WDR70: variants seen among roughly 807,000 people sequenced by gnomAD.
WDR70 encodes the protein WD repeat domain 70.
A neutral mutation model predicts 88.6 loss-of-function variants in WDR70; 53 were observed. The observed-to-expected ratio is 0.60, with a 90% CI of 0.48 to 0.75. WDR70 has a LOEUF of 0.75. Among genes scored for constraint, WDR70 ranks in the 30% least tolerant of loss-of-function variants. The pLI is 0.00. For synonymous variants in WDR70, 280 were observed against 270.0 expected (o/e 1.04, Z -0.36); for missense variants, 610 against 823.2 (o/e 0.74, Z 3.17).
At chr5:37,437,520 AC>A (rs1188225300) in intron 5 of WDR70, among the ~76,000 whole-genome samples, 1 of 152,128 alleles carries the variant, frequency 6.6e-6, no homozygotes, top group African/African-American at 2.4e-5. Flanking sequence ...AGATATATCA[AC>A]CTTTTCGCTC....
intron 10 of WDR70, among the ~76,000 whole-genome samples, chr5:37,653,743 T>G (rs1745472993): frequency 6.6e-6 from 1 of 152,212 alleles, no homozygotes; most frequent in African/African-American, 2.4e-5. Flanking sequence ...GTTTATAGTA[T>G]TCTCTGATGG....
intron 9 of WDR70, among the ~76,000 whole-genome samples, chr5:37,582,033 A>G (rs1743233702): frequency 6.6e-6 from 1 of 152,100 alleles, no homozygotes; most frequent in Non-Finnish European, 1.5e-5. Context: ...CTTTAGTAGT[A>G]CCTGTCTTAC....
At chr5:37,751,170 C>A (rs1362512599) in intron 17 of WDR70, among the ~76,000 whole-genome samples, 2 of 152,204 alleles carry the variant, frequency 1.3e-5, no homozygotes, top group East Asian at 3.8e-4. Flanking sequence ...TGGTCAGCAT[C>A]TTTGCCAGAA....
intron 7 of WDR70, among the ~76,000 whole-genome samples, chr5:37,476,963 A>G (rs1739505455): frequency 6.6e-6 from 1 of 152,144 alleles, no homozygotes; most frequent in Non-Finnish European, 1.5e-5. Context: ...AGAATACTGT[A>G]TTTTTTATCT....
chr5:37,745,828 T>C (rs939280131), intron 17 of WDR70, among the ~76,000 whole-genome samples: 3 of 152,122 alleles, frequency 2.0e-5, no homozygotes, highest in Non-Finnish European at 4.4e-5. Flanking sequence ...ACATTAATAG[T>C]GGGAGACTCT....
chr5:37,551,010 A>C (rs1742127865), intron 9 of WDR70, among the ~76,000 whole-genome samples: 1 of 152,232 alleles, frequency 6.6e-6, no homozygotes, highest in Non-Finnish European at 1.5e-5. Context: ...GCAAAAGAAA[A>C]CTAGTGAAGA....
At chr5:37,662,524 A>G (rs1372752254) in intron 10 of WDR70, among the ~76,000 whole-genome samples, 1 of 152,116 alleles carries the variant, frequency 6.6e-6, no homozygotes, top group African/African-American at 2.4e-5. Flanking sequence ...AGTGAGTTAC[A>G]ACATCTTTTT....
At chr5:37,481,945 C>T (rs1055714538) in intron 8 of WDR70, among the ~76,000 whole-genome samples, 14 of 152,282 alleles carry the variant, frequency 9.2e-5, no homozygotes, top group Middle Eastern at 3.4e-3. Context: ...CACTCTTTCC[C>T]GCCTATCTTA....
At chr5:37,417,988 C>A (rs1348084884) in intron 5 of WDR70, among the ~76,000 whole-genome samples, 1 of 152,150 alleles carries the variant, frequency 6.6e-6, no homozygotes, top group African/African-American at 2.4e-5. Flanking sequence ...AAGAAGTTCT[C>A]CACTCCACCC....
chr5:37,657,573 G>C (rs949989777), intron 10 of WDR70, among the ~76,000 whole-genome samples: 16 of 152,176 alleles, frequency 1.1e-4, no homozygotes, highest in African/African-American at 3.6e-4. Flanking sequence ...CACTTCATTT[G>C]TACATGATGA....
At chr5:37,635,623 A>G (rs1363526410) in intron 10 of WDR70, among the ~76,000 whole-genome samples, 2 of 152,218 alleles carry the variant, frequency 1.3e-5, no homozygotes, top group Non-Finnish European at 2.9e-5. Context: ...CTCAGTGAGA[A>G]AAATTTCAGT....
At chr5:37,681,508 G>A (rs1746435492) in intron 10 of WDR70, among the ~76,000 whole-genome samples, 1 of 152,102 alleles carries the variant, frequency 6.6e-6, no homozygotes, top group South Asian at 2.1e-4. Flanking sequence ...TCCTGTTTCT[G>A]GTTTCAAGAT....
At chr5:37,592,486 G>T (rs6889616) in intron 9 of WDR70, among the ~76,000 whole-genome samples, 3 of 152,022 alleles carry the variant, frequency 2.0e-5, no homozygotes, top group Non-Finnish European at 4.4e-5. Context: ...GGTTAACTGC[G>T]CAGCACAGTA....
chr5:37,484,381 T>C (rs199529677), intron 8 of WDR70, among the ~76,000 whole-genome samples: 90,782 of 152,074 alleles, frequency 0.6, 28,469 homozygotes, highest in Non-Finnish European at 0.69. Flanking sequence ...AGCGAAACCC[T>C]GTCTCCACCA....
At chr5:37,535,524 T>C (rs1741638767) in intron 9 of WDR70, among the ~76,000 whole-genome samples, 1 of 152,198 alleles carries the variant, frequency 6.6e-6, no homozygotes, top group South Asian at 2.1e-4. Context: ...ACTAAATCTG[T>C]ACTGTATTTT....
At chr5:37,578,457 T>A (rs1743118742) in intron 9 of WDR70, among the ~76,000 whole-genome samples, 1 of 152,190 alleles carries the variant, frequency 6.6e-6, no homozygotes, top group African/African-American at 2.4e-5. Context: ...GGACTCTGTC[T>A]TTTTGTTCGG....
chr5:37,745,755 A>G (rs1180611034), intron 17 of WDR70, among the ~76,000 whole-genome samples: 1 of 152,198 alleles, frequency 6.6e-6, no homozygotes, highest in African/African-American at 2.4e-5. Context: ...TGTATCCAAT[A>G]CAGGAGCACC....
At chr5:37,630,758 G>C (rs1309872214) in intron 10 of WDR70, among the ~76,000 whole-genome samples, 1 of 152,188 alleles carries the variant, frequency 6.6e-6, no homozygotes, top group Non-Finnish European at 1.5e-5. Flanking sequence ...CCCAGTGCTG[G>C]AGAAGTGCAG....
At chr5:37,623,806 T>A (rs926279358) in intron 10 of WDR70, among the ~76,000 whole-genome samples, 1 of 152,126 alleles carries the variant, frequency 6.6e-6, no homozygotes, top group African/African-American at 2.4e-5. Flanking sequence ...CACAGCACAG[T>A]CCCTGGTACT....
Sources: allele counts gnomAD v4.1 joint callset (sites outside exome capture counted in the v4.1 genomes callset), GRCh38; gene constraint gnomAD v4.1.1; transcripts MANE v1.5; gene names NCBI Gene and HGNC (gene_info 2026-07-23, HGNC 2026-07-21).